Variants in SEC14L2 observed in about 807,000 individuals in gnomAD.
SEC14L2 encodes SEC14 like lipid binding 2.
In SEC14L2, 50 loss-of-function variants were observed where a neutral mutation model predicts 56.9. The ratio of observed to expected loss-of-function variants is 0.88; its 90% CI spans 0.70 to 1.11. SEC14L2 has a LOEUF of 1.11. SEC14L2 is among the 50% of genes most tolerant of loss of function. The pLI, the probability that SEC14L2 is intolerant of heterozygous loss-of-function variation, is 0.00. For missense variants in SEC14L2, 414 were observed against 500.7 expected, an observed-to-expected ratio of 0.83 and a Z score of 1.65; for synonymous variants, 179 against 188.5, an observed-to-expected ratio of 0.95 and a Z score of 0.41.
At chr22:30,398,450 A>C in intron 1 of SEC14L2, 1 of 338,774 alleles carries the variant, frequency 3.0e-6, no homozygotes, top group African/African-American at 2.1e-5. Context: ...TGGTCAGGGA[A>C]AGGTGAATGG....
In SEC14L2 at chr22:30,398,537, G is replaced by A. The variant is rs1239168970; in HGVS notation, c.55-1106G>A. 5 of 377,136 alleles carry A rather than the reference G, an allele frequency of 1.3e-5. No homozygotes were observed. The East Asian group carries it at 3.7e-4, about 28-fold the overall frequency. 23.4% of individuals were successfully genotyped at this position (377,136 alleles called of 1,614,324 possible). On this transcript the variant is annotated intron_variant, in intron 1 of 11. Transcript: ENST00000615189. ...GGAGTGAGAGGTTGGAGGTAGGTGTGGCTGTCCATTGAGGTCACTGTCCAC... is the reference window on the plus strand; with the variant it reads ...GGAGTGAGAGGTTGGAGGTAGGTGTAGCTGTCCATTGAGGTCACTGTCCAC...
intron 11 of SEC14L2, among the ~76,000 whole-genome samples, chr22:30,419,528 G>A (rs1015544227): frequency 6.6e-6 from 1 of 152,212 alleles, no homozygotes; most frequent in Non-Finnish European, 1.5e-5. Flanking sequence ...GGGTGACAGA[G>A]AGAGACTCTG....
intron 7 of SEC14L2, 112 bp from the exon 8 acceptor site, chr22:30,410,484 G>T (rs971159632): frequency 5.0e-6 from 5 of 1,007,232 alleles, no homozygotes; most frequent in Admixed American, 3.7e-5. Flanking sequence ...GAGCCCTGGG[G>T]AACATGTGGC....
intron 5 of SEC14L2, 113 bp from the exon 6 acceptor site, chr22:30,409,074 C>G (rs1261038827): frequency 2.1e-6 from 2 of 966,676 alleles, no homozygotes; most frequent in South Asian, 2.6e-5. Flanking sequence ...AGGTCCGGCC[C>G]TAACTAGCTC....
rs1934548804 is a variant in SEC14L2 at position 30,422,560 on chromosome 22, C to T, written c.*153C>T. 2.3e-6 allele frequency: 2 copies of T among 879,490 alleles called. No individual in the cohort carries two copies. The highest frequency in any genetic ancestry group is 2.8e-5 in the Admixed American group (1 of 36,062). 54.5% of individuals were successfully genotyped at this position (879,490 alleles called of 1,614,324 possible). ...TCATTTCAGTTAGGCAGAGGAAGAG[C>T]GACTGCAGTGGGTCTCCGTGTCTAT... is the stretch of plus-strand genomic sequence containing the variant. On this transcript the variant is annotated 3_prime_UTR_variant, in exon 12 of 12. Transcript: ENST00000615189.
At chr22:30,409,118 G>A in intron 5 of SEC14L2, 69 bp from the exon 6 acceptor site, 1 of 1,340,402 alleles carries the variant, frequency 7.5e-7, no homozygotes, top group Non-Finnish European at 1.1e-6. Context: ...GCAATCATTT[G>A]GCCTGGACTG....
chr22:30,402,349 G>T (rs1933963728), intron 2 of SEC14L2, among the ~76,000 whole-genome samples: 1 of 152,156 alleles, frequency 6.6e-6, no homozygotes, highest in Non-Finnish European at 1.5e-5. Flanking sequence ...CAGCAACACA[G>T]CTCTCTTACT....
chr22:30,406,253 G>T (rs1010446627), intron 2 of SEC14L2, 89 bp from the exon 3 acceptor site: 55 of 1,245,028 alleles, frequency 4.4e-5, no homozygotes, highest in Non-Finnish European at 6.0e-5. Context: ...AGAGGAACTG[G>T]CCCTATCATG....
In SEC14L2 at chr22:30,423,463, C is replaced by T. The variant is rs1639801574; in HGVS notation, c.*1056C>T. 6.5e-6 allele frequency: 1 copy of T among 152,696 alleles called. No homozygotes were observed. Among genetic ancestry groups the T allele is most frequent in the Admixed American group, 6.5e-5 (1 of 15,296 alleles). The allele number at this position is 152,696 out of a possible 1,614,324, so 9.5% of individuals were successfully genotyped here. ...GGCGTAGCCAGGCCTGGAGGCCCCC[C>T]AGGCAGGAGGCCGCCCAAAGGCGGG... On this transcript the variant is annotated 3_prime_UTR_variant, in exon 12 of 12. Transcript: ENST00000615189.
At chr22:30,413,353 G>A (rs5997641) in intron 8 of SEC14L2, among the ~76,000 whole-genome samples, 47,170 of 151,966 alleles carry the variant, frequency 0.31, 7,457 homozygotes, top group East Asian at 0.38. Flanking sequence ...AGGACACACA[G>A]GCATCAAGCC....
chr22:30,402,949 G>T (rs376952935), intron 2 of SEC14L2, among the ~76,000 whole-genome samples: 6 of 151,934 alleles, frequency 3.9e-5, no homozygotes, highest in African/African-American at 1.5e-4. Flanking sequence ...GTGTGGTGGC[G>T]TGCACCTGTA....
chr22:30,406,972 G>C, intron 3 of SEC14L2, 123 bp from the exon 4 acceptor site: 1 of 847,408 alleles, frequency 1.2e-6, no homozygotes, highest in African/African-American at 1.7e-5. Flanking sequence ...GGCTGGTCTT[G>C]AACTCCTGGC....
In SEC14L2 at chr22:30,409,225, C is replaced by T. The variant is rs200447615; in HGVS notation, c.462C>T (p.Asp154=). The change falls in exon 6 of 12, where the codon GAC becomes GAT. Residue 154 remains aspartate (D), a synonymous_variant. Coordinates refer to ENST00000615189, the MANE Select transcript of SEC14L2 (RefSeq NM_012429.5). ...TGGAGACCATCACCATAATTTATGA[C>T]TGCGAGGGGCTTGGCCTCAAGCATC... ...RKVETITIIY[D]CEGLGLKHLW... is the part of the protein sequence containing the mutation. 1.2e-5 allele frequency: 19 copies of T among 1,613,730 alleles called. No individual in the cohort carries two copies. Among genetic ancestry groups the T allele is most frequent in the Non-Finnish European group, 1.4e-5 (16 of 1,180,012 alleles).
At position 30,416,327 on chromosome 22, in the gene SEC14L2, G is replaced by C; in HGVS notation, c.1005G>C (p.Glu335Asp). The C allele has an allele frequency of 6.2e-7, 1 of 1,614,214 alleles. No individual in the cohort carries two copies. The highest frequency in any genetic ancestry group is 8.5e-7 in the Non-Finnish European group (1 of 1,180,032). Residue 335 changes from glutamate to aspartate, a missense_variant, in exon 11 of 12, where the codon GAG (glutamate) becomes GAC (aspartate). Transcript: ENST00000615189. ...GGCAGCGGGCAGGGGAGATGACAGA[G>C]GTGCTGCCCAACCAGAGGTACAACT... ...GERQRAGEMT[E>D]VLPNQRYNSH... is the part of the protein sequence containing the mutation.
intron 5 of SEC14L2, 145 bp downstream of exon 5, chr22:30,407,748 T>C: frequency 1.4e-6 from 1 of 694,872 alleles, no homozygotes; most frequent in Non-Finnish European, 2.2e-6. Context: ...AAAACTTTTT[T>C]AGTAGAGACG....
rs1294554414 is a variant in SEC14L2 at position 30,424,144 on chromosome 22, C to G, written c.*1737C>G. 1 of 155,388 alleles carries G rather than the reference C, an allele frequency of 6.4e-6. No homozygotes were observed. Among genetic ancestry groups the G allele is most frequent in the Non-Finnish European group, 1.4e-5 (1 of 69,818 alleles). The allele number at this position is 155,388 out of a possible 1,614,324, so 9.6% of individuals were successfully genotyped here. A position where few individuals can be genotyped will look rare whatever the true frequency, so the allele number is the denominator to read the frequency against. On this transcript the variant is annotated 3_prime_UTR_variant, in exon 12 of 12. Coordinates refer to ENST00000615189, the MANE Select transcript of SEC14L2 (RefSeq NM_012429.5). Reference sequence around the variant, plus strand: ...GCCCCGCCAGCTGCTCAGTACGTGCCGCGTAGCCCGTGCGAGCCAAGTGTG... The same window carrying G: ...GCCCCGCCAGCTGCTCAGTACGTGCGGCGTAGCCCGTGCGAGCCAAGTGTG...
intron 7 of SEC14L2, 94 bp from the exon 8 acceptor site, chr22:30,410,501 TG>T: frequency 8.4e-7 from 1 of 1,195,772 alleles, no homozygotes; most frequent in African/African-American, 1.5e-5. Context: ...TGGCCCAGCA[TG>T]GGCTGGCAGG....
At chr22:30,407,244 G>T in intron 4 of SEC14L2, 90 bp downstream of exon 4, 2 of 1,530,726 alleles carry the variant, frequency 1.3e-6, no homozygotes, top group Non-Finnish European at 9.0e-7. Context: ...GATCCTTAGA[G>T]GAAAGGTCTG....
chr22:30,420,796 G>A (rs1246414489), intron 11 of SEC14L2: 1 of 152,112 alleles, frequency 6.6e-6, no homozygotes, highest in Admixed American at 6.6e-5. Flanking sequence ...ATAGGGATGG[G>A]GCAGAACTAG....
Sources: allele counts gnomAD v4.1 joint callset (sites outside exome capture counted in the v4.1 genomes callset), GRCh38; gene constraint gnomAD v4.1.1; transcripts MANE v1.5; gene names NCBI Gene and HGNC (gene_info 2026-07-23, HGNC 2026-07-21).